SCMH1: variants seen among roughly 807,000 people sequenced by gnomAD.
SCMH1 encodes the protein polycomb protein SCMH1.
A neutral mutation model predicts 70.8 loss-of-function variants in SCMH1; 37 were observed. The observed-to-expected ratio is 0.52, with a 90% CI of 0.40 to 0.69. The LOEUF is 0.69. Among genes scored for constraint, SCMH1 ranks in the 30% least tolerant of loss-of-function variants. The pLI is 0.00. For synonymous variants in SCMH1, 292 were observed against 307.4 expected (o/e 0.95, Z 0.52); for missense variants, 607 against 827.3 (o/e 0.73, Z 3.27).
intron 1 of SCMH1, among the ~76,000 whole-genome samples, chr1:41,189,956 G>A (rs1166379802): frequency 6.6e-6 from 1 of 152,218 alleles, no homozygotes; most frequent in Non-Finnish European, 1.5e-5. Context: ...GAACAGAGAA[G>A]AAGTTCAGTG....
chr1:41,140,032 A>G (rs1643900861), intron 6 of SCMH1, among the ~76,000 whole-genome samples: 1 of 152,152 alleles, frequency 6.6e-6, no homozygotes, highest in African/African-American at 2.4e-5. Flanking sequence ...TATTAAGGGT[A>G]TTTTTCTTAA....
chr1:41,229,023 G>GT (rs1282016171), intron 1 of SCMH1, among the ~76,000 whole-genome samples: 1 of 151,980 alleles, frequency 6.6e-6, no homozygotes, highest in African/African-American at 2.4e-5. Flanking sequence ...CGGTGAAACC[G>GT]TATCTCTACT....
intron 13 of SCMH1, among the ~76,000 whole-genome samples, chr1:41,030,362 C>A (rs4660183): frequency 2.0e-5 from 3 of 152,208 alleles, no homozygotes; most frequent in African/African-American, 7.2e-5. Context: ...TCCATCAGCT[C>A]AGCCTTCCTA....
At chr1:41,122,916 T>C (rs1672289013) in intron 6 of SCMH1, among the ~76,000 whole-genome samples, 1 of 152,132 alleles carries the variant, frequency 6.6e-6, no homozygotes, top group Non-Finnish European at 1.5e-5. Context: ...CTGATGAAAC[T>C]GGATTTAAGA....
intron 8 of SCMH1, among the ~76,000 whole-genome samples, chr1:41,100,407 C>T (rs1416773417): frequency 2.0e-5 from 3 of 152,086 alleles, no homozygotes; most frequent in South Asian, 4.1e-4. Context: ...CCTCATCTAG[C>T]ATGGCCATTA....
chr1:41,201,113 C>A (rs548791391), intron 1 of SCMH1, among the ~76,000 whole-genome samples: 3 of 152,224 alleles, frequency 2.0e-5, no homozygotes, highest in African/African-American at 7.2e-5. Context: ...ACTACTTGGG[C>A]CATGAAGATG....
intron 2 of SCMH1, 25 bp from the exon 3 acceptor site, chr1:41,161,457 A>G (rs765333797): frequency 6.5e-7 from 1 of 1,537,488 alleles, no homozygotes; most frequent in South Asian, 1.2e-5. Flanking sequence ...AAAAATAGTC[A>G]TGTGGAAAGA....
At chr1:41,242,128 G>A (rs1234162753), upstream of SCMH1, 3 of 149,942 alleles carry the variant, frequency 2.0e-5, no homozygotes, top group Non-Finnish European at 4.5e-5. This position sits in a 1 kb window ranked among gnomAD's most constrained non-coding sequence, Gnocchi z 5.2. Context: ...GCGCAGGGAG[G>A]GAGCGGAGAC....
chr1:41,141,916 T>A (rs1304586503), intron 6 of SCMH1, among the ~76,000 whole-genome samples: 1 of 152,210 alleles, frequency 6.6e-6, no homozygotes, highest in African/African-American at 2.4e-5. Flanking sequence ...TATGTGATAA[T>A]TGTATGGTTA....
intron 1 of SCMH1, among the ~76,000 whole-genome samples, chr1:41,197,769 CAA>C (rs1653381612): frequency 6.6e-6 from 1 of 152,174 alleles, no homozygotes; most frequent in African/African-American, 2.4e-5. Context: ...AAAAGGAACA[CAA>C]AGAGCTTCAT....
intron 1 of SCMH1, among the ~76,000 whole-genome samples, chr1:41,197,236 T>C (rs1653242506): frequency 1.3e-5 from 2 of 152,164 alleles, no homozygotes; most frequent in African/African-American, 4.8e-5. Flanking sequence ...CAAACACACC[T>C]GTACACCAAT....
At chr1:41,173,390 G>A (rs1164076577) in intron 2 of SCMH1, among the ~76,000 whole-genome samples, 1 of 152,166 alleles carries the variant, frequency 6.6e-6, no homozygotes, top group African/African-American at 2.4e-5. Context: ...AATCATCAGG[G>A]AAATGCAAAT....
intron 10 of SCMH1, among the ~76,000 whole-genome samples, chr1:41,064,133 G>A (rs560413780): frequency 6.6e-6 from 1 of 152,260 alleles, no homozygotes; most frequent in South Asian, 2.1e-4. Context: ...AACAGGCTAA[G>A]TAAGAAAAAT....
At chr1:41,085,805 G>A (rs1313278626) in intron 8 of SCMH1, among the ~76,000 whole-genome samples, 1 of 150,454 alleles carries the variant, frequency 6.6e-6, no homozygotes, top group Non-Finnish European at 1.5e-5. Flanking sequence ...GGATATTATG[G>A]ATTAAATATA....
chr1:41,233,469 A>T (rs764778215), intron 1 of SCMH1, among the ~76,000 whole-genome samples: 1 of 152,210 alleles, frequency 6.6e-6, no homozygotes, highest in Non-Finnish European at 1.5e-5. Flanking sequence ...GCAGAAGATC[A>T]AAAGTCTTTC....
chr1:41,095,864 A>T (rs994450082), intron 8 of SCMH1, among the ~76,000 whole-genome samples: 5 of 152,244 alleles, frequency 3.3e-5, no homozygotes, highest in Non-Finnish European at 4.4e-5. Context: ...GGGAATAATT[A>T]AGCAAACAAT....
At chr1:41,200,917 C>T (rs748097289) in intron 1 of SCMH1, among the ~76,000 whole-genome samples, 13 of 148,048 alleles carry the variant, frequency 8.8e-5, no homozygotes, top group Admixed American at 2.0e-4. Flanking sequence ...TAAGAGATTA[C>T]TAACCTTTAC....
chr1:41,191,815 A>G (rs1651781745), intron 1 of SCMH1, among the ~76,000 whole-genome samples: 1 of 152,198 alleles, frequency 6.6e-6, no homozygotes, highest in Admixed American at 6.5e-5. Flanking sequence ...GACAGGAACC[A>G]GTCCTCTTAG....
chr1:41,063,664 T>C (rs927977384), intron 10 of SCMH1, among the ~76,000 whole-genome samples: 18 of 152,132 alleles, frequency 1.2e-4, no homozygotes, highest in African/African-American at 3.9e-4. Flanking sequence ...ACAGATCCTA[T>C]TGTCATTAAA....
Sources: allele counts gnomAD v4.1 joint callset (sites outside exome capture counted in the v4.1 genomes callset), GRCh38; gene constraint gnomAD v4.1.1; non-coding constraint Gnocchi (gnomAD v3.1); transcripts MANE v1.5; gene names NCBI Gene and HGNC (gene_info 2026-07-23, HGNC 2026-07-21).